Variants in PCDH15 observed in about 807,000 individuals in gnomAD.
PCDH15 encodes the protein protocadherin related 15.
Under a neutral mutation model 178.5 loss-of-function variants are expected in PCDH15, and 129 were observed. The ratio of observed to expected loss-of-function variants is 0.72; its 90% confidence interval spans 0.63 to 0.84. The LOEUF (loss-of-function observed/expected upper bound fraction) is 0.84, where lower values mean the gene tolerates loss of function less well. PCDH15 is among the 40% of genes least tolerant of loss of function. The pLI is 0.00. For synonymous variants in PCDH15, 800 were observed against 732.0 expected (o/e 1.09, Z -1.50); for missense variants, 2,230 against 2,099.9 (o/e 1.06, Z -1.21).
chr10:54,296,374 C>A (rs916904980), intron 8 of PCDH15, among the ~76,000 whole-genome samples: 1 of 151,862 alleles, frequency 6.6e-6, no homozygotes, highest in Admixed American at 6.6e-5. Context: ...TTGGTTGACC[C>A]TGAGGCTGAG....
chr10:54,554,144 T>G (rs965901467), intron 2 of PCDH15, among the ~76,000 whole-genome samples: 1 of 152,144 alleles, frequency 6.6e-6, no homozygotes, highest in African/African-American at 2.4e-5. Context: ...CCCTACTTTT[T>G]ATTTTCCCCT....
In PCDH15 at chr10:53,831,461, C is replaced by T. The variant is rs200926530; in HGVS notation, c.4056G>A (p.Leu1352=). 1 of 1,614,128 alleles carries T rather than the reference C, an allele frequency of 6.2e-7. No homozygotes were observed. Among genetic ancestry groups the T allele is most frequent in the East Asian group, 2.2e-5 (1 of 44,874 alleles). ...TCACTGCCTCTGGAGTCCGGATCTC[C>T]AGAATGCGTCCTCCTTCCCCATAAT... ...QPYYGEGGRI[L]EIRTPEAVTS... Residue 1352 remains leucine, a synonymous_variant, in exon 30 of 38, where the codon CTG becomes CTA. Transcript: ENST00000644397.
intron 25 of PCDH15, among the ~76,000 whole-genome samples, chr10:53,911,111 C>T (rs2083056970): frequency 6.6e-6 from 1 of 152,296 alleles, no homozygotes; most frequent in South Asian, 2.1e-4. Context: ...TCCAGGAGAA[C>T]TTCCTCAACC....
chr10:53,881,990 T>A (rs1434111349), intron 26 of PCDH15, among the ~76,000 whole-genome samples: 1 of 14,876 alleles, frequency 6.7e-5, no homozygotes, highest in Non-Finnish European at 1.5e-4. Flanking sequence ...GCCCACTTGC[T>A]TTTTTTTTTT....
chr10:54,357,416 G>C (rs954289371), intron 5 of PCDH15, among the ~76,000 whole-genome samples: 2 of 152,102 alleles, frequency 1.3e-5, no homozygotes, highest in Non-Finnish European at 2.9e-5. Flanking sequence ...ATTCACAACT[G>C]CTTCAAAGAG....
At chr10:54,283,744 G>A (rs1394481198) in intron 8 of PCDH15, among the ~76,000 whole-genome samples, 2 of 152,024 alleles carry the variant, frequency 1.3e-5, no homozygotes, top group African/African-American at 4.8e-5. Flanking sequence ...AATAGACCAA[G>A]CAATGAGCCT....
intron 10 of PCDH15, among the ~76,000 whole-genome samples, chr10:54,204,296 T>G (rs1418398833): frequency 1.3e-5 from 2 of 151,218 alleles, no homozygotes; most frequent in Admixed American, 6.6e-5. Context: ...GAAGGAATCA[T>G]AAAACTCTTA....
chr10:55,199,123 CAGA>C (rs917228958), intron 1 of PCDH15, among the ~76,000 whole-genome samples: 1 of 151,936 alleles, frequency 6.6e-6, no homozygotes, highest in African/African-American at 2.4e-5. Context: ...CTGGGGGGCT[CAGA>C]AGAAGACAGG....
intron 26 of PCDH15, among the ~76,000 whole-genome samples, chr10:53,873,579 C>T (rs1405723386): frequency 6.6e-6 from 1 of 152,064 alleles, no homozygotes; most frequent in Non-Finnish European, 1.5e-5. Context: ...CCACTACATT[C>T]CACATGTGAG....
intron 2 of PCDH15, among the ~76,000 whole-genome samples, chr10:55,556,601 T>G (rs1335678999): frequency 1.3e-5 from 2 of 152,032 alleles, no homozygotes; most frequent in Non-Finnish European, 2.9e-5. Flanking sequence ...GAAGCCAAGG[T>G]GGGCTGATCA....
chr10:55,156,814 G>A (rs1195998063), intron 2 of PCDH15, among the ~76,000 whole-genome samples: 2 of 152,058 alleles, frequency 1.3e-5, no homozygotes, highest in Non-Finnish European at 2.9e-5. Context: ...TTACAATGGT[G>A]GGCTAAACAG....
intron 1 of PCDH15, among the ~76,000 whole-genome samples, chr10:54,697,742 G>A (rs1440993254): frequency 6.7e-5 from 10 of 148,380 alleles, no homozygotes; most frequent in African/African-American, 2.5e-4. Flanking sequence ...GAAGAGGCAA[G>A]GAAGGCAAGG....
At chr10:54,348,456 T>C (rs1002842189) in intron 5 of PCDH15, among the ~76,000 whole-genome samples, 2 of 152,190 alleles carry the variant, frequency 1.3e-5, no homozygotes, top group Admixed American at 6.5e-5. Context: ...GCTTCCAAGC[T>C]GACGTTCAAT....
intron 2 of PCDH15, among the ~76,000 whole-genome samples, chr10:55,345,171 A>G (rs776107701): frequency 2.6e-5 from 4 of 151,566 alleles, no homozygotes; most frequent in African/African-American, 9.7e-5. Context: ...ATATATATAT[A>G]TGGTCAGAAT....
In PCDH15 at chr10:54,185,132, A is replaced by G. The variant is rs1363688830; in HGVS notation, c.1440+2T>C. 5 of 1,613,392 alleles carry G rather than the reference A, an allele frequency of 3.1e-6. No individual in the cohort carries two copies. Among genetic ancestry groups the G allele is most frequent in the Non-Finnish European group, 4.2e-6 (5 of 1,179,466 alleles). ...ATGTATATTTACACAAAAGCTCTTT[A>G]CCGAAAAGGTGTAAGTTTGCTGTTC... On this transcript the variant is annotated splice_donor_variant, in intron 12 of 37. Transcript: ENST00000644397. LOFTEE classifies it high-confidence loss of function.
chr10:55,073,710 GAGA>G (rs1302610389), intron 2 of PCDH15, among the ~76,000 whole-genome samples: 1 of 152,016 alleles, frequency 6.6e-6, no homozygotes, highest in Non-Finnish European at 1.5e-5. Context: ...ATAATACTTT[GAGA>G]AGAATTGGTA....
intron 11 of PCDH15, among the ~76,000 whole-genome samples, chr10:54,187,123 T>C (rs1269672819): frequency 6.6e-6 from 1 of 151,974 alleles, no homozygotes; most frequent in Non-Finnish European, 1.5e-5. Context: ...CCTTAATTTA[T>C]TCGGACCTTT....
At chr10:54,068,867 A>G (rs2094186708) in intron 17 of PCDH15, among the ~76,000 whole-genome samples, 1 of 144,466 alleles carries the variant, frequency 6.9e-6, no homozygotes, top group Non-Finnish European at 1.5e-5. Context: ...TCTTAAGATT[A>G]TTTACTTTAA....
intron 3 of PCDH15, among the ~76,000 whole-genome samples, chr10:54,473,958 T>TA (rs1393554824): frequency 6.6e-6 from 1 of 151,770 alleles, no homozygotes; most frequent in African/African-American, 2.4e-5. Context: ...ATCAAATAAT[T>TA]AGAAACAATA....
Sources: gnomAD v4.1 joint callset for allele counts (sites outside exome capture counted in the v4.1 genomes callset) on GRCh38, gnomAD v4.1.1 for gene constraint, MANE v1.5 for transcripts, NCBI Gene and HGNC (gene_info 2026-07-23, HGNC 2026-07-21) for gene names.